SRL: variants seen among roughly 807,000 people sequenced by gnomAD.
SRL encodes the protein sarcalumenin.
SRL carries 23 observed loss-of-function variants against 39.5 expected under a neutral mutation model. The observed-to-expected ratio is 0.58, with a 90% confidence interval of 0.42 to 0.82. The LOEUF (loss-of-function observed/expected upper bound fraction) is 0.82, where lower values mean the gene tolerates loss of function less well. SRL is among the 40% of genes least tolerant of loss of function. The pLI, the probability that SRL is intolerant of heterozygous loss-of-function variation, is 0.00. For missense variants in SRL, 592 were observed against 607.8 expected (o/e 0.97, Z 0.27); for synonymous variants, 272 against 237.4 (o/e 1.15, Z -1.34).
At chr16:4,201,214 A>G (rs2052225222) in intron 3 of SRL, among the ~76,000 whole-genome samples, 1 of 151,706 alleles carries the variant, frequency 6.6e-6, no homozygotes, top group African/African-American at 2.4e-5. Context: ...CCCAGGCTCA[A>G]ATGATCCTCC....
chr16:4,218,909 T>C (rs11864561), intron 1 of SRL, among the ~76,000 whole-genome samples: 21,224 of 152,256 alleles, frequency 0.14, 2,704 homozygotes, highest in African/African-American at 0.34. Flanking sequence ...CTCATAGACC[T>C]CTCTGGAAAA....
At chr16:4,211,799 G>GTGA (rs1374501942) in intron 1 of SRL, among the ~76,000 whole-genome samples, 1 of 151,604 alleles carries the variant, frequency 6.6e-6, no homozygotes, top group Non-Finnish European at 1.5e-5. Context: ...GATGAGGATC[G>GTGA]TGATGATGAT....
At chr16:4,225,557 C>T (rs774764817) in intron 1 of SRL, among the ~76,000 whole-genome samples, 81 of 152,260 alleles carry the variant, frequency 5.3e-4, no homozygotes, top group Non-Finnish European at 9.7e-4. Context: ...GCACTCCAGC[C>T]GGGGTGACAG....
At position 4,225,255 on chromosome 16, in the gene SRL, AC is replaced by A. The variant is rs2052574828; in HGVS notation, c.61+16751del. Among the ~76,000 whole-genome samples the A allele has an allele frequency of 2.0e-5, 3 of 152,190 alleles. 1 individual carries two copies. The South Asian group carries it at 6.2e-4, about 32-fold the overall frequency. On this transcript the variant is annotated intron_variant, in intron 1 of 5. Transcript: ENST00000399609. ...ATGCTTTAAATGAGAAAATTAAATG[AC>A]ATATGAATTATATCTCAATAAACCT...
At chr16:4,224,897 A>G (rs540707087) in intron 1 of SRL, among the ~76,000 whole-genome samples, 1 of 152,312 alleles carries the variant, frequency 6.6e-6, no homozygotes, top group South Asian at 2.1e-4. Context: ...ACACAATGCA[A>G]TATTTCCCAG....
At chr16:4,228,371 G>A (rs2052615687) in intron 1 of SRL, among the ~76,000 whole-genome samples, 1 of 152,054 alleles carries the variant, frequency 6.6e-6, no homozygotes, top group African/African-American at 2.4e-5. Flanking sequence ...GGGAGGTGGA[G>A]GTTGCAGTGA....
chr16:4,220,007 G>T (rs1715030235), intron 1 of SRL, among the ~76,000 whole-genome samples: 1 of 152,000 alleles, frequency 6.6e-6, no homozygotes, highest in African/African-American at 2.4e-5. Flanking sequence ...TTAGAGAAGG[G>T]AAGACCCTCC....
intron 1 of SRL, among the ~76,000 whole-genome samples, chr16:4,229,695 G>A (rs1461011426): frequency 6.6e-6 from 1 of 151,926 alleles, no homozygotes; most frequent in African/African-American, 2.4e-5. Flanking sequence ...TCACTATCTG[G>A]CTGATAAGAT....
chr16:4,205,842 G>C (rs1000965927), intron 1 of SRL, among the ~76,000 whole-genome samples: 1 of 152,022 alleles, frequency 6.6e-6, no homozygotes, highest in African/African-American at 2.4e-5. Flanking sequence ...GGAGGCTGAG[G>C]TGGGAGGATC....
At chr16:4,198,907 C>T (rs905784817) in intron 3 of SRL, among the ~76,000 whole-genome samples, 5 of 152,140 alleles carry the variant, frequency 3.3e-5, no homozygotes, top group African/African-American at 4.8e-5. Flanking sequence ...CCAGGTGGGT[C>T]CCTAAGAGGA....
At chr16:4,196,586 T>C (rs1224664542) in intron 4 of SRL, among the ~76,000 whole-genome samples, 2 of 151,426 alleles carry the variant, frequency 1.3e-5, no homozygotes, top group Non-Finnish European at 2.9e-5. Context: ...GTTCAAGCGA[T>C]TCTCCTGCCT....
At chr16:4,196,095 A>G (rs35998067) in intron 4 of SRL, among the ~76,000 whole-genome samples, 75,677 of 151,510 alleles carry the variant, frequency 0.5, 19,112 homozygotes, top group South Asian at 0.63. Flanking sequence ...CGAGTAGCTG[A>G]GATTACAGGC....
rs1273494104 is a variant in SRL at position 4,189,874 on chromosome 16, A to C, written c.*2279T>G. 2 of 169,566 alleles carry C rather than the reference A, an allele frequency of 1.2e-5. No individual in the cohort carries two copies. The highest frequency in any genetic ancestry group is 2.5e-5 in the Non-Finnish European group (2 of 80,228). The allele number at this position is 169,566 out of a possible 1,614,324, so 10.5% of individuals were successfully genotyped here. On this transcript the variant is annotated 3_prime_UTR_variant, in exon 6 of 6. Transcript: ENST00000399609. ...CACAGAAAAACAGATCTGCCAAAGC[A>C]GCTCACAGCATGGAGGAGCAGGCAG...
intron 1 of SRL, among the ~76,000 whole-genome samples, chr16:4,229,084 C>T (rs536695649): frequency 1.3e-5 from 2 of 152,146 alleles, no homozygotes; most frequent in East Asian, 3.9e-4. Context: ...ACCCAGATGC[C>T]CACCAACGGT....
chr16:4,208,170 T>C, intron 1 of SRL: 1 of 379,490 alleles, frequency 2.6e-6, no homozygotes, highest in Non-Finnish European at 5.2e-6. Context: ...CTCAAGAGTC[T>C]ATAATAACCT....
intron 1 of SRL, 36 bp downstream of exon 1, chr16:4,241,971 C>A: frequency 6.2e-7 from 1 of 1,612,348 alleles, no homozygotes; most frequent in Non-Finnish European, 8.5e-7. Flanking sequence ...GCGTGGGGGA[C>A]CAGTCTGGGC....
Position 4,195,676 on chromosome 16 carries a change from C to T in SRL, c.487G>A (p.Glu163Lys). Residue 163 changes from glutamate (E) to lysine (K), a missense_variant, in exon 5 of 6, where the codon GAG becomes AAG. Transcript: ENST00000399609. ...TCTAGGAAATTCTGGCCAAACTTCTCAAGGGGTGAGAAGGAACGGGCGCTG... is the reference window on the plus strand; with the variant it reads ...TCTAGGAAATTCTGGCCAAACTTCTTAAGGGGTGAGAAGGAACGGGCGCTG... ...ADSARSFSPL[E>K]KFGQNFLEKL... The T allele has an allele frequency of 6.2e-7, 1 of 1,614,174 alleles. No individual in the cohort carries two copies. Among genetic ancestry groups the T allele is most frequent in the Admixed American group, 1.7e-5 (1 of 60,014 alleles).
chr16:4,202,970 C>T (rs141595235), intron 3 of SRL, among the ~76,000 whole-genome samples, 196 bp downstream of exon 3: 122 of 152,294 alleles, frequency 8.0e-4, no homozygotes, highest in African/African-American at 2.5e-3. Flanking sequence ...AGGGTAGTTC[C>T]GTGATGGAGG....
At chr16:4,241,161 G>A (rs1447177648) in intron 1 of SRL, among the ~76,000 whole-genome samples, 2 of 151,930 alleles carry the variant, frequency 1.3e-5, no homozygotes, top group Non-Finnish European at 2.9e-5. Context: ...TGGGCAGTCC[G>A]GATCCTAGGG....
Sources: allele counts gnomAD v4.1 joint callset (sites outside exome capture counted in the v4.1 genomes callset), GRCh38; gene constraint gnomAD v4.1.1; transcripts MANE v1.5; gene names NCBI Gene and HGNC (gene_info 2026-07-23, HGNC 2026-07-21).